The following CDIN1 variants were observed in gnomAD, a reference collection of about 807,000 sequenced individuals.
CDIN1 encodes CDAN1-interacting nuclease 1.
A neutral mutation model predicts 45.3 loss-of-function variants in CDIN1; 33 were observed. The ratio of observed to expected loss-of-function variants is 0.73; its 90% CI spans 0.55 to 0.97. The LOEUF is 0.97. Among genes scored for constraint, CDIN1 ranks in the 50% least tolerant of loss-of-function variants. The pLI, the probability that CDIN1 is intolerant of heterozygous loss-of-function variation, is 0.00. For synonymous variants in CDIN1, 118 were observed against 124.4 expected (o/e 0.95, Z 0.34); for missense variants, 303 against 339.4 (o/e 0.89, Z 0.84).
intron 10 of CDIN1, among the ~76,000 whole-genome samples, chr15:36,770,999 A>T (rs2141024051): frequency 6.6e-6 from 1 of 152,294 alleles, no homozygotes; most frequent in Non-Finnish European, 1.5e-5. Context: ...TTGAGAATGA[A>T]TATTACAAAA....
intron 1 of CDIN1, among the ~76,000 whole-genome samples, chr15:36,620,645 T>C (rs2039141787): frequency 6.6e-6 from 1 of 152,224 alleles, no homozygotes; most frequent in Non-Finnish European, 1.5e-5. Context: ...TTTACTCTTC[T>C]GTTCACACAT....
At chr15:36,599,786 GT>G in intron 1 of CDIN1, among the ~76,000 whole-genome samples, 1 of 152,312 alleles carries the variant, frequency 6.6e-6, no homozygotes, top group Middle Eastern at 3.4e-3. Context: ...CTCCTCAGCT[GT>G]GCAGTGTACA....
At position 36,775,104 on chromosome 15, in the gene CDIN1, C is replaced by T. The variant is rs530680475; in HGVS notation, c.717-33220C>T. ...CACATGTCGCAGAGAAACCTTACAA[C>T]ATCCCCATTTCCCTGAGATCAATCA... On this transcript the variant is annotated intron_variant, in intron 10 of 10. Transcript: ENST00000566621. Among the ~76,000 whole-genome samples the T allele has an allele frequency of 8.5e-5, 13 of 152,322 alleles. No individual in the cohort carries two copies. In the South Asian group the frequency reaches 2.1e-3, roughly 24 times the overall value.
At chr15:36,661,620 C>G (rs2041017506) in intron 5 of CDIN1, among the ~76,000 whole-genome samples, 1 of 152,118 alleles carries the variant, frequency 6.6e-6, no homozygotes, top group Admixed American at 6.6e-5. Context: ...CTGGGATCAC[C>G]TTTCCATCTT....
At chr15:36,745,265 T>A (rs187239468) in intron 10 of CDIN1, among the ~76,000 whole-genome samples, 45 of 152,302 alleles carry the variant, frequency 3.0e-4, no homozygotes, top group Non-Finnish European at 5.4e-4. Flanking sequence ...TAAAAGATAA[T>A]AAATTTGTCA....
Position 36,809,177 on chromosome 15 carries a change from ATTAG to A in CDIN1, c.*727_*730del. 3.3e-6 allele frequency: 1 copy of A among 300,594 alleles called. No individual in the cohort carries two copies. Among genetic ancestry groups the A allele is most frequent in the Non-Finnish European group, 6.6e-6 (1 of 152,028 alleles). The allele number at this position is 300,594 out of a possible 1,614,324, so 18.6% of individuals were successfully genotyped here. On this transcript the variant is annotated 3_prime_UTR_variant, in exon 11 of 11. Coordinates refer to ENST00000566621, the MANE Select transcript of CDIN1 (RefSeq NM_001321759.2). ...TTTTAGATTTATCTTATTTGAAAGT[ATTAG>A]TTCCATTGTGCCTGGAAACCACACT...
At chr15:36,598,705 G>A (rs2037954881) in intron 1 of CDIN1, among the ~76,000 whole-genome samples, 1 of 151,232 alleles carries the variant, frequency 6.6e-6, no homozygotes, top group Non-Finnish European at 1.5e-5. Flanking sequence ...CCTTCCTTCT[G>A]TCCGTCCCTC....
At chr15:36,783,155 T>C (rs1214005513) in intron 10 of CDIN1, among the ~76,000 whole-genome samples, 1 of 152,210 alleles carries the variant, frequency 6.6e-6, no homozygotes, top group East Asian at 1.9e-4. Context: ...ATGGTTAAAT[T>C]CTAATTTTCT....
chr15:36,613,420 G>A lies in CDIN1; in HGVS notation c.102-30858G>A, dbSNP rs187845910. ...TCAGTTTTGGAGAGGAGGCTGCAAC[G>A]CTGAGTGGAGGAGGCAGGAACTGGA... On this transcript the variant is annotated intron_variant, in intron 1 of 10. Transcript: ENST00000566621. 2.8e-3 allele frequency: 3,804 copies of A among 1,379,198 alleles called. 134 individuals are homozygous for A. The Admixed American group carries it at 0.057, about 21-fold the overall frequency. The allele number at this position is 1,379,198 out of a possible 1,614,324, so 85.4% of individuals were successfully genotyped here. A position where few individuals can be genotyped will look rare whatever the true frequency, so the allele number is the denominator to read the frequency against.
intron 10 of CDIN1, among the ~76,000 whole-genome samples, chr15:36,745,979 T>C (rs992758112): frequency 6.6e-6 from 1 of 151,896 alleles, no homozygotes; most frequent in African/African-American, 2.4e-5. Context: ...AAAAAAAGAA[T>C]ACTACTTATG....
At chr15:36,666,604 A>T (rs111414729) in intron 5 of CDIN1, among the ~76,000 whole-genome samples, 33 of 152,272 alleles carry the variant, frequency 2.2e-4, no homozygotes, top group African/African-American at 5.8e-4. Flanking sequence ...GGACCTCTGT[A>T]TTTAGATTTC....
chr15:36,737,245 G>A (rs1351147023), intron 10 of CDIN1, among the ~76,000 whole-genome samples: 1 of 151,550 alleles, frequency 6.6e-6, no homozygotes, highest in Non-Finnish European at 1.5e-5. Context: ...TACCTGGGTC[G>A]TTCCTATTTT....
rs2054454339 is a variant in CDIN1, at chr15:36,785,027, T to C, written c.717-23297T>C. Among the ~76,000 whole-genome samples the C allele has an allele frequency of 4.6e-5, 7 of 152,184 alleles. No individual in the cohort carries two copies. In the South Asian group the frequency reaches 1.5e-3, roughly 32 times the overall value. Reference sequence around the variant, plus strand: ...TTATCTTTCTGAATTAGCTAAGAGGTTGATTTCAGATGTCAGGGTGCTGCC... The same window carrying C: ...TTATCTTTCTGAATTAGCTAAGAGGCTGATTTCAGATGTCAGGGTGCTGCC... On this transcript the variant is annotated intron_variant, in intron 10 of 10. Coordinates refer to ENST00000566621, the MANE Select transcript of CDIN1 (RefSeq NM_001321759.2).
rs540809318 is a variant in CDIN1, at chr15:36,788,194, G to A, written c.717-20130G>A. The stretch of plus-strand genomic sequence containing the variant: ...TGCAATGGCACCATCTCGGCTTACC[G>A]CAACCTCTGCCTCCTGGGTTCAAGC... On this transcript the variant is annotated intron_variant, in intron 10 of 10. Coordinates refer to ENST00000566621, the MANE Select transcript of CDIN1 (RefSeq NM_001321759.2). 1.7e-4 allele frequency among the ~76,000 whole-genome samples: 22 copies of A among 129,738 alleles called. No homozygotes were observed. In the East Asian group the frequency reaches 4.1e-3, roughly 24 times the overall value. 85.1% of individuals were successfully genotyped at this position (129,738 alleles called of 152,430 possible).
At chr15:36,770,006 C>G (rs887422266) in intron 10 of CDIN1, among the ~76,000 whole-genome samples, 2 of 152,166 alleles carry the variant, frequency 1.3e-5, no homozygotes, top group African/African-American at 4.8e-5. Context: ...TTTCTTTTCT[C>G]TCCCCCATCT....
At chr15:36,715,974 T>C (rs17499823) in intron 10 of CDIN1, among the ~76,000 whole-genome samples, 3 of 152,150 alleles carry the variant, frequency 2.0e-5, no homozygotes, top group Admixed American at 1.3e-4. Flanking sequence ...TTTTCTGCCA[T>C]CATTCATTGG....
chr15:36,690,098 G>A (rs979005087), intron 5 of CDIN1, among the ~76,000 whole-genome samples: 8 of 152,128 alleles, frequency 5.3e-5, no homozygotes, highest in African/African-American at 1.4e-4. Context: ...GTGCAAACAC[G>A]TGTTCACAAA....
At chr15:36,616,359 T>C (rs920877851) in intron 1 of CDIN1, among the ~76,000 whole-genome samples, 5 of 151,936 alleles carry the variant, frequency 3.3e-5, no homozygotes, top group Admixed American at 6.6e-5. Context: ...CTCTGCTCAC[T>C]GCAACCCCCA....
chr15:36,613,815 C>A, intron 1 of CDIN1: 1 of 1,602,908 alleles, frequency 6.2e-7, no homozygotes. Flanking sequence ...CCCAAAGAAG[C>A]TAAGCACATT....
Sources: gnomAD v4.1 joint callset for allele counts (sites outside exome capture counted in the v4.1 genomes callset) on GRCh38, gnomAD v4.1.1 for gene constraint, MANE v1.5 for transcripts, NCBI Gene and HGNC (gene_info 2026-07-23, HGNC 2026-07-21) for gene names.